HS6ST3: variants seen among roughly 807,000 people sequenced by gnomAD.
HS6ST3 encodes the protein heparan sulfate 6-O-sulfotransferase 3.
Under a neutral mutation model 36.7 loss-of-function variants are expected in HS6ST3, and 12 were observed. The observed-to-expected ratio is 0.33, with a 90% confidence interval of 0.21 to 0.53. HS6ST3 has a LOEUF of 0.53. HS6ST3 is among the 20% of genes least tolerant of loss of function. The pLI is 0.95. For synonymous variants in HS6ST3, 240 were observed against 257.5 expected (o/e 0.93, Z 0.65); for missense variants, 584 against 640.9 (o/e 0.91, Z 0.96).
At chr13:96,576,600 C>T (rs1361940761) in intron 1 of HS6ST3, among the ~76,000 whole-genome samples, 3 of 152,120 alleles carry the variant, frequency 2.0e-5, no homozygotes, top group Non-Finnish European at 4.4e-5. Context: ...GTGATATTGG[C>T]CACGCAAGAA....
intron 1 of HS6ST3, among the ~76,000 whole-genome samples, chr13:96,331,329 T>C (rs189711630): frequency 2.6e-5 from 4 of 151,828 alleles, no homozygotes; most frequent in African/African-American, 9.6e-5. Flanking sequence ...TTTTGGTCTT[T>C]GATGATGGTG....
At chr13:96,335,160 C>G (rs2139423165) in intron 1 of HS6ST3, among the ~76,000 whole-genome samples, 1 of 152,156 alleles carries the variant, frequency 6.6e-6, no homozygotes, top group Middle Eastern at 3.4e-3. Flanking sequence ...TCATGTGTGC[C>G]ATGTGCCCAT....
intron 1 of HS6ST3, among the ~76,000 whole-genome samples, chr13:96,528,829 A>G (rs1385456209): frequency 1.3e-5 from 2 of 152,186 alleles, no homozygotes; most frequent in Middle Eastern, 3.2e-3. Context: ...CAGTGAAAAT[A>G]ACATATTAAA....
At position 96,423,428 on chromosome 13, in the gene HS6ST3, C is replaced by G. The variant is rs181189018; in HGVS notation, c.707+331859C>G. Among the ~76,000 whole-genome samples, 3 of 150,764 alleles carry G rather than the reference C, an allele frequency of 2.0e-5. No individual in the cohort carries two copies. In the South Asian group the frequency reaches 6.3e-4, roughly 31 times the overall value. On this transcript the variant is annotated intron_variant, in intron 1 of 1. Coordinates refer to ENST00000376705, the MANE Select transcript of HS6ST3 (RefSeq NM_153456.4). ...GGATGCTGTCAGGTAGTAACAAGCA[C>G]GGTGAAAAATAATAAAGTGAGTAGA... is the stretch of plus-strand genomic sequence containing the variant.
At chr13:96,199,677 G>A (rs556498727) in intron 1 of HS6ST3, among the ~76,000 whole-genome samples, 2 of 152,250 alleles carry the variant, frequency 1.3e-5, no homozygotes, top group South Asian at 4.2e-4. Flanking sequence ...CTAAGACAAA[G>A]CCGAGGCTCT....
chr13:96,202,412 C>T (rs1158563532), intron 1 of HS6ST3, among the ~76,000 whole-genome samples: 4 of 152,176 alleles, frequency 2.6e-5, no homozygotes, highest in Non-Finnish European at 5.9e-5. Context: ...TGCCTTTATT[C>T]CCTGCCCCAA....
chr13:96,758,389 C>T (rs1158521388), intron 1 of HS6ST3, among the ~76,000 whole-genome samples: 5 of 151,826 alleles, frequency 3.3e-5, no homozygotes, highest in African/African-American at 4.8e-5. Context: ...TTACTTAATT[C>T]CATCTGTTGA....
intron 1 of HS6ST3, among the ~76,000 whole-genome samples, chr13:96,359,765 A>G (rs1171587027): frequency 2.0e-5 from 3 of 152,076 alleles, no homozygotes; most frequent in East Asian, 3.9e-4. Context: ...GCACTGAAAA[A>G]CTTCAGATTT....
intron 1 of HS6ST3, among the ~76,000 whole-genome samples, chr13:96,103,645 A>C (rs1414058895): frequency 6.6e-6 from 1 of 152,220 alleles, no homozygotes; most frequent in Non-Finnish European, 1.5e-5. Flanking sequence ...TACAAATTTA[A>C]ATTTATATTG....
intron 1 of HS6ST3, among the ~76,000 whole-genome samples, chr13:96,641,965 A>G (rs1206587046): frequency 1.3e-5 from 2 of 151,748 alleles, no homozygotes. Context: ...AAATGTACCT[A>G]TGTGGTTAGA....
chr13:96,777,587 G>A (rs377625185), intron 1 of HS6ST3, among the ~76,000 whole-genome samples: 29 of 152,202 alleles, frequency 1.9e-4, no homozygotes, highest in African/African-American at 4.6e-4. Flanking sequence ...GCTACAAAGC[G>A]AATAAAATAC....
At chr13:96,552,172 GCAATTACACCTATTA>G (rs1223714390) in intron 1 of HS6ST3, among the ~76,000 whole-genome samples, 1 of 152,160 alleles carries the variant, frequency 6.6e-6, no homozygotes, top group Non-Finnish European at 1.5e-5. Flanking sequence ...TTAGATGCCT[GCAATTACACCTATTA>G]CAGAAGTACA....
At chr13:96,494,523 C>T (rs2055964476) in intron 1 of HS6ST3, among the ~76,000 whole-genome samples, 1 of 150,976 alleles carries the variant, frequency 6.6e-6, no homozygotes, top group Non-Finnish European at 1.5e-5. Flanking sequence ...GCACATGTAC[C>T]CTAAAACTTA....
intron 1 of HS6ST3, among the ~76,000 whole-genome samples, chr13:96,139,541 G>GCAAAAAAAAAAAAAAAAAAAAAAAAAAA (rs371698480): frequency 1.5e-5 from 1 of 66,264 alleles, no homozygotes; most frequent in African/African-American, 6.1e-5. Context: ...GTAAGATTCA[G>GCAAAAAAAAAAAAAAAAAAAAAAAAAAA]AAAAAAAAAA....
At chr13:96,802,154 A>G (rs946227657) in intron 1 of HS6ST3, among the ~76,000 whole-genome samples, 2 of 152,136 alleles carry the variant, frequency 1.3e-5, no homozygotes, top group Non-Finnish European at 2.9e-5. Context: ...CATTGACAAA[A>G]CTGGCTACCT....
intron 1 of HS6ST3, among the ~76,000 whole-genome samples, chr13:96,449,201 A>G (rs891960251): frequency 3.9e-5 from 6 of 152,138 alleles, no homozygotes; most frequent in Admixed American, 2.6e-4. Context: ...GGCTCAAGCT[A>G]TCCTCCCTCC....
chr13:96,758,174 G>A (rs1876879864), intron 1 of HS6ST3, among the ~76,000 whole-genome samples: 1 of 151,554 alleles, frequency 6.6e-6, no homozygotes, highest in Non-Finnish European at 1.5e-5. Flanking sequence ...TTGAAAAGGT[G>A]GATTTTTAAG....
chr13:96,680,097 A>G (rs1480931256), intron 1 of HS6ST3, among the ~76,000 whole-genome samples: 5 of 152,130 alleles, frequency 3.3e-5, no homozygotes, highest in Admixed American at 6.6e-5. Context: ...GCATGATGCC[A>G]GTGTCTGTGG....
intron 1 of HS6ST3, among the ~76,000 whole-genome samples, chr13:96,151,800 CAGTA>C (rs2054086263): frequency 6.6e-6 from 1 of 152,192 alleles, no homozygotes; most frequent in Admixed American, 6.5e-5. Context: ...TGCAGCACCT[CAGTA>C]AGCCTCCACC....
Sources: allele counts gnomAD v4.1 joint callset (sites outside exome capture counted in the v4.1 genomes callset), GRCh38; gene constraint gnomAD v4.1.1; transcripts MANE v1.5; gene names NCBI Gene and HGNC (gene_info 2026-07-23, HGNC 2026-07-21).